Variants in SLC4A10 observed in about 807,000 individuals in gnomAD.
SLC4A10 encodes the protein solute carrier family 4 member 10.
SLC4A10 carries 42 observed loss-of-function variants against 137.7 expected under a neutral mutation model. The ratio of observed to expected loss-of-function variants is 0.30; its 90% CI spans 0.24 to 0.39. The LOEUF is 0.39. Ranked by LOEUF, SLC4A10 falls within the 10% of genes least tolerant of loss-of-function variation. SLC4A10 has a pLI of 1.00. For synonymous variants in SLC4A10, 474 were observed against 464.1 expected (o/e 1.02, Z -0.27); for missense variants, 925 against 1,355.0 (o/e 0.68, Z 4.98).
At chr2:161,660,556 A>ATTTCTTTCTTTCTTTCTTTCTTTC in intron 1 of SLC4A10, among the ~76,000 whole-genome samples, 1 of 110,368 alleles carries the variant, frequency 9.1e-6, no homozygotes, top group Admixed American at 9.3e-5. Flanking sequence ...ACTCATCTAT[A>ATTTCTTTCTTTCTTTCTTTCTTTC]TTTCTTTCTT....
intron 1 of SLC4A10, among the ~76,000 whole-genome samples, chr2:161,641,461 C>A (rs957431089): frequency 7.9e-5 from 12 of 152,042 alleles, no homozygotes; most frequent in Non-Finnish European, 5.9e-5. Flanking sequence ...ATTTAATAAT[C>A]CTGCTTTTTA....
chr2:161,975,197 A>G (rs1458664583), intron 24 of SLC4A10, among the ~76,000 whole-genome samples: 1 of 152,148 alleles, frequency 6.6e-6, no homozygotes, highest in Non-Finnish European at 1.5e-5. Flanking sequence ...AAGATGTTTT[A>G]TCTTTTTTTT....
chr2:161,870,139 A>G (rs936606902), intron 6 of SLC4A10, among the ~76,000 whole-genome samples: 31 of 151,094 alleles, frequency 2.1e-4, no homozygotes, highest in African/African-American at 6.8e-4. Context: ...ATATATTATT[A>G]TAATTATTAC....
intron 16 of SLC4A10, among the ~76,000 whole-genome samples, chr2:161,943,400 A>G (rs1326189135): frequency 6.6e-6 from 1 of 151,866 alleles, no homozygotes; most frequent in Non-Finnish European, 1.5e-5. Context: ...TCTTTTTTCC[A>G]TTTTATTCTT....
chr2:161,638,971 TCAAAGAAACA>T (rs913880902), intron 1 of SLC4A10, among the ~76,000 whole-genome samples: 2 of 151,832 alleles, frequency 1.3e-5, no homozygotes, highest in Non-Finnish European at 2.9e-5. Flanking sequence ...CAACTCATGG[TCAAAGAAACA>T]CAAAGGATCA....
intron 1 of SLC4A10, among the ~76,000 whole-genome samples, chr2:161,706,122 C>T (rs1395244392): frequency 6.6e-6 from 1 of 151,354 alleles, no homozygotes; most frequent in Non-Finnish European, 1.5e-5. Flanking sequence ...ATCTTATCAA[C>T]TAGATAATAG....
chr2:161,704,697 A>G (rs1278287016), intron 1 of SLC4A10, among the ~76,000 whole-genome samples: 1 of 151,634 alleles, frequency 6.6e-6, no homozygotes, highest in Non-Finnish European at 1.5e-5. Flanking sequence ...TCCATTTAAT[A>G]TGCTATTATG....
intron 2 of SLC4A10, 121 bp from the exon 3 acceptor site, chr2:161,804,328 A>G (rs1360902037): frequency 1.8e-6 from 2 of 1,117,872 alleles, no homozygotes; most frequent in African/African-American, 1.6e-5. Context: ...TTTATGTATC[A>G]TAAACATCAA....
At chr2:161,702,585 C>T (rs1022367604) in intron 1 of SLC4A10, among the ~76,000 whole-genome samples, 2 of 151,844 alleles carry the variant, frequency 1.3e-5, no homozygotes, top group African/African-American at 4.8e-5. Flanking sequence ...TGGAAGGTTT[C>T]CTAAGGCTAC....
chr2:161,734,305 T>G (rs2047106216), intron 1 of SLC4A10, among the ~76,000 whole-genome samples: 1 of 152,182 alleles, frequency 6.6e-6, no homozygotes, highest in Non-Finnish European at 1.5e-5. Context: ...GGAGATCATT[T>G]GAATCATGGG....
At chr2:161,809,319 C>G (rs1215872789) in intron 3 of SLC4A10, among the ~76,000 whole-genome samples, 2 of 152,028 alleles carry the variant, frequency 1.3e-5, no homozygotes, top group African/African-American at 4.8e-5. Context: ...TATTTTCTCC[C>G]ATTCTGTAAG....
intron 22 of SLC4A10, 150 bp downstream of exon 22, chr2:161,964,458 A>T (rs2105911796): frequency 1.2e-6 from 1 of 805,614 alleles, no homozygotes; most frequent in East Asian, 2.7e-5. Flanking sequence ...TGACTAAGAT[A>T]GGGTTTAAGA....
At chr2:161,700,424 A>G (rs562827011) in intron 1 of SLC4A10, among the ~76,000 whole-genome samples, 8 of 152,238 alleles carry the variant, frequency 5.3e-5, no homozygotes, top group African/African-American at 1.9e-4. Flanking sequence ...AGAAATGGCC[A>G]TTGGATGTGG....
intron 4 of SLC4A10, among the ~76,000 whole-genome samples, chr2:161,851,227 A>G (rs1382972656): frequency 6.6e-6 from 1 of 152,124 alleles, no homozygotes; most frequent in Non-Finnish European, 1.5e-5. Flanking sequence ...TGTTAGGTTC[A>G]TTTGGTCAAG....
chr2:161,682,709 G>C (rs935222854), intron 1 of SLC4A10, among the ~76,000 whole-genome samples: 5 of 151,994 alleles, frequency 3.3e-5, no homozygotes, highest in Non-Finnish European at 7.4e-5. Context: ...GTGGGGGCTG[G>C]GGTCAGATGA....
intron 10 of SLC4A10, among the ~76,000 whole-genome samples, chr2:161,883,085 A>T (rs2061935788): frequency 6.6e-6 from 1 of 152,172 alleles, no homozygotes. Context: ...GAACATAAAA[A>T]GTAGCATCAT....
At chr2:161,803,401 T>C (rs1210021664) in intron 2 of SLC4A10, among the ~76,000 whole-genome samples, 1 of 152,110 alleles carries the variant, frequency 6.6e-6, no homozygotes, top group Admixed American at 6.6e-5. Context: ...TACATTAGGG[T>C]TCACTCTGTG....
At chr2:161,798,079 T>A (rs1370538200) in intron 2 of SLC4A10, among the ~76,000 whole-genome samples, 1 of 151,996 alleles carries the variant, frequency 6.6e-6, no homozygotes, top group Non-Finnish European at 1.5e-5. Context: ...ATACACTCAC[T>A]CCCATCCTCT....
chr2:161,879,545 C>G (rs541128278), intron 9 of SLC4A10, among the ~76,000 whole-genome samples: 4 of 131,842 alleles, frequency 3.0e-5, no homozygotes, highest in Non-Finnish European at 4.9e-5. Flanking sequence ...CCATATGAAT[C>G]CTTTTTTTTT....
Sources: allele counts gnomAD v4.1 joint callset (sites outside exome capture counted in the v4.1 genomes callset), GRCh38; gene constraint gnomAD v4.1.1; transcripts MANE v1.5; gene names NCBI Gene and HGNC (gene_info 2026-07-23, HGNC 2026-07-21).